The following FCHSD2 variants were observed in gnomAD, a reference collection of about 807,000 sequenced individuals.
FCHSD2 encodes the protein FCH and double SH3 domains 2.
A neutral mutation model predicts 108.1 loss-of-function variants in FCHSD2; 38 were observed. The ratio of observed to expected loss-of-function variants is 0.35; its 90% CI spans 0.27 to 0.46. The LOEUF (loss-of-function observed/expected upper bound fraction) is 0.46, where lower values mean the gene tolerates loss of function less well. Ranked by LOEUF, FCHSD2 falls within the 20% of genes least tolerant of loss-of-function variation. The pLI, the probability that FCHSD2 is intolerant of heterozygous loss-of-function variation, is 1.00. For missense variants in FCHSD2, 751 were observed against 897.8 expected (o/e 0.84, Z 2.09); for synonymous variants, 279 against 314.7 (o/e 0.89, Z 1.20).
intron 8 of FCHSD2, among the ~76,000 whole-genome samples, chr11:72,954,776 A>C (rs1856681542): frequency 6.6e-6 from 1 of 152,132 alleles, no homozygotes; most frequent in Non-Finnish European, 1.5e-5. Flanking sequence ...ATGGTAAGGA[A>C]GATATTTACA....
At chr11:72,910,507 T>C (rs944089486) in intron 9 of FCHSD2, among the ~76,000 whole-genome samples, 2 of 152,232 alleles carry the variant, frequency 1.3e-5, no homozygotes, top group Non-Finnish European at 2.9e-5. Flanking sequence ...TGGGATGCTG[T>C]TAATCTATAA....
chr11:73,005,903 T>G (rs1391266535), intron 4 of FCHSD2, among the ~76,000 whole-genome samples: 1 of 117,332 alleles, frequency 8.5e-6, no homozygotes, highest in African/African-American at 3.8e-5. Context: ...ATTCCTAAAC[T>G]TTTTTTTTTT....
At chr11:73,076,200 T>C (rs1591534337) in intron 3 of FCHSD2, among the ~76,000 whole-genome samples, 1 of 152,036 alleles carries the variant, frequency 6.6e-6, no homozygotes, top group African/African-American at 2.4e-5. Flanking sequence ...CCAAGAAATA[T>C]GAAAACATGT....
chr11:72,932,123 C>T (rs1856205616), intron 8 of FCHSD2, among the ~76,000 whole-genome samples: 1 of 152,148 alleles, frequency 6.6e-6, no homozygotes, highest in Non-Finnish European at 1.5e-5. Flanking sequence ...TTTACTTTTC[C>T]CTCTGCCTTG....
chr11:72,914,611 A>G (rs1480475602), intron 9 of FCHSD2, among the ~76,000 whole-genome samples: 1 of 152,150 alleles, frequency 6.6e-6, no homozygotes, highest in Non-Finnish European at 1.5e-5. Flanking sequence ...ATCTTCAACA[A>G]ACCTGACAAA....
intron 2 of FCHSD2, among the ~76,000 whole-genome samples, chr11:73,130,409 T>C (rs1222621066): frequency 1.3e-5 from 2 of 152,174 alleles, no homozygotes; most frequent in Non-Finnish European, 2.9e-5. Flanking sequence ...ACACTTCTAT[T>C]CTTAACCCTA....
chr11:72,950,821 C>T (rs143851916), intron 8 of FCHSD2, among the ~76,000 whole-genome samples: 84 of 152,252 alleles, frequency 5.5e-4, no homozygotes, highest in African/African-American at 1.9e-3. Context: ...TGTTGTTGTC[C>T]GCCAAATGTT....
intron 4 of FCHSD2, among the ~76,000 whole-genome samples, chr11:73,009,333 C>A (rs1347685778): frequency 1.3e-5 from 2 of 151,968 alleles, no homozygotes; most frequent in Non-Finnish European, 2.9e-5. Flanking sequence ...TCCATCTCTA[C>A]TAAAAATACA....
chr11:73,059,720 C>CT (rs144510546), intron 3 of FCHSD2, among the ~76,000 whole-genome samples: 7,577 of 151,448 alleles, frequency 0.05, 238 homozygotes, highest in Non-Finnish European at 0.069. Flanking sequence ...GGTTTTCTTT[C>CT]TTTTTTTTTC....
chr11:73,084,778 G>C (rs1163697839), intron 2 of FCHSD2, among the ~76,000 whole-genome samples: 1 of 152,080 alleles, frequency 6.6e-6, no homozygotes, highest in Non-Finnish European at 1.5e-5. Context: ...CCATCTTAAT[G>C]GTATATAAAA....
intron 10 of FCHSD2, among the ~76,000 whole-genome samples, chr11:72,891,439 C>T (rs1855312139): frequency 6.6e-6 from 1 of 152,038 alleles, no homozygotes; most frequent in Admixed American, 6.5e-5. Context: ...CAAACTTAAC[C>T]ATCTTTACAT....
rs756645906 is a variant in FCHSD2, at chr11:72,843,190, C to T, written c.1666G>A (p.Ala556Thr). Residue 556 changes from alanine to threonine, a missense_variant, in exon 16 of 20, where the codon GCA becomes ACA. Coordinates refer to ENST00000409418, the MANE Select transcript of FCHSD2 (RefSeq NM_014824.3). Reference sequence around the variant, plus strand: ...TTGAGGCTGCCTGAAACGAGTTCTGCTTCCGTGGAATTGCTGGACGTGTGT... The same window carrying T: ...TTGAGGCTGCCTGAAACGAGTTCTGTTTCCGTGGAATTGCTGGACGTGTGT... ...RSHTSSNSTE[A>T]ELVSGSLNGD... 6.2e-7 allele frequency: 1 copy of T among 1,614,004 alleles called. No homozygotes were observed. The highest frequency in any genetic ancestry group is 1.1e-5 in the South Asian group (1 of 91,080).
chr11:72,907,407 G>A (rs1237536966), intron 9 of FCHSD2, among the ~76,000 whole-genome samples: 2 of 151,440 alleles, frequency 1.3e-5, no homozygotes, highest in Non-Finnish European at 3.0e-5. Flanking sequence ...TCCTTATCTT[G>A]TGCTGGTTTT....
intron 3 of FCHSD2, among the ~76,000 whole-genome samples, chr11:73,055,472 C>T (rs1859003664): frequency 6.6e-6 from 1 of 152,100 alleles, no homozygotes; most frequent in Non-Finnish European, 1.5e-5. Flanking sequence ...CAATGACCAT[C>T]CAATAAAATC....
At chr11:72,944,952 T>G (rs1591422790) in intron 8 of FCHSD2, among the ~76,000 whole-genome samples, 1 of 152,206 alleles carries the variant, frequency 6.6e-6, no homozygotes, top group Admixed American at 6.5e-5. Flanking sequence ...GAAGAATCAA[T>G]ATCGTGAAAA....
At chr11:72,924,606 T>C (rs938287189) in intron 8 of FCHSD2, among the ~76,000 whole-genome samples, 1 of 151,940 alleles carries the variant, frequency 6.6e-6, no homozygotes, top group Non-Finnish European at 1.5e-5. Context: ...TTGTTGCTTC[T>C]GTGTTGGTAC....
At chr11:73,137,190 T>C (rs960133854) in intron 2 of FCHSD2, among the ~76,000 whole-genome samples, 2 of 151,982 alleles carry the variant, frequency 1.3e-5, no homozygotes, top group Admixed American at 1.3e-4. Context: ...TTTTCAATAT[T>C]GTCTTTGAAA....
intron 8 of FCHSD2, among the ~76,000 whole-genome samples, chr11:72,977,009 T>A (rs1261523669): frequency 2.0e-5 from 3 of 151,668 alleles, no homozygotes; most frequent in African/African-American, 7.3e-5. Context: ...CACTGTGACC[T>A]CCACTTCCCG....
chr11:72,857,638 G>A lies in FCHSD2; in HGVS notation c.1309-7749C>T, dbSNP rs539723035. ...ATTTTTTTTTTTTTTTAGTAGAGAC[G>A]GGGGTTTCACTATGTTGGCCAGGCT... On this transcript the variant is annotated intron_variant, in intron 13 of 19. Transcript: ENST00000409418. Among the ~76,000 whole-genome samples the A allele has an allele frequency of 1.6e-4, 24 of 150,916 alleles. No homozygotes were observed. In the East Asian group the frequency reaches 2.7e-3, roughly 17 times the overall value.
Sources: allele counts gnomAD v4.1 joint callset (sites outside exome capture counted in the v4.1 genomes callset), GRCh38; gene constraint gnomAD v4.1.1; transcripts MANE v1.5; gene names NCBI Gene and HGNC (gene_info 2026-07-23, HGNC 2026-07-21).